RGS7: variants seen among roughly 807,000 people sequenced by gnomAD.
RGS7 encodes the protein regulator of G-protein signaling 7.
A neutral mutation model predicts 81.1 loss-of-function variants in RGS7; 27 were observed. That is an observed-to-expected ratio of 0.33 (90% CI 0.25 to 0.46). The LOEUF is 0.46. Ranked by LOEUF, RGS7 falls within the 20% of genes least tolerant of loss-of-function variation. RGS7 has a pLI of 1.00. For missense variants in RGS7, 396 were observed against 607.4 expected, an observed-to-expected ratio of 0.65 and a Z score of 3.66; for synonymous variants, 208 against 207.7, an observed-to-expected ratio of 1.00 and a Z score of -0.01.
chr1:240,998,738 A>G (rs1056892818), intron 3 of RGS7: 5 of 863,344 alleles, frequency 5.8e-6, no homozygotes, highest in Middle Eastern at 3.6e-4. Flanking sequence ...CGGTCACCTC[A>G]TCATCGTGCG....
At chr1:241,151,235 A>G (rs972529422) in intron 2 of RGS7, among the ~76,000 whole-genome samples, 1 of 152,180 alleles carries the variant, frequency 6.6e-6, no homozygotes, top group Non-Finnish European at 1.5e-5. Flanking sequence ...TATCACGCAG[A>G]CTGATGTCTG....
chr1:241,162,136 A>T (rs2069746031), intron 2 of RGS7, among the ~76,000 whole-genome samples: 2 of 151,854 alleles, frequency 1.3e-5, no homozygotes, highest in African/African-American at 2.4e-5. Flanking sequence ...TTGTTAAACT[A>T]TTTCTCTAAA....
chr1:240,983,047 A>T, intron 4 of RGS7, 32 bp downstream of exon 4: 1 of 1,337,272 alleles, frequency 7.5e-7, no homozygotes, highest in African/African-American at 1.4e-5. Flanking sequence ...ACTAAGAAAA[A>T]AGTTCTTGCA....
chr1:241,101,001 G>A (rs1384954010), intron 2 of RGS7, among the ~76,000 whole-genome samples: 1 of 152,208 alleles, frequency 6.6e-6, no homozygotes, highest in Non-Finnish European at 1.5e-5. Context: ...TTGGCTAGAA[G>A]CCCACATCTA....
intron 2 of RGS7, among the ~76,000 whole-genome samples, chr1:241,292,108 G>A (rs373357389): frequency 3.3e-5 from 5 of 152,102 alleles, no homozygotes. Context: ...GTCTTCAGAG[G>A]CGGTAATATG....
At chr1:240,952,400 G>A (rs1376489719) in intron 4 of RGS7, among the ~76,000 whole-genome samples, 2 of 151,926 alleles carry the variant, frequency 1.3e-5, no homozygotes, top group Non-Finnish European at 2.9e-5. Context: ...GTACCTTCAT[G>A]GTATATGAAA....
intron 6 of RGS7, among the ~76,000 whole-genome samples, chr1:240,891,718 C>T (rs897256586): frequency 6.6e-6 from 1 of 152,038 alleles, no homozygotes; most frequent in Non-Finnish European, 1.5e-5. Flanking sequence ...AGTAGGTAAA[C>T]AATAATTAAT....
chr1:240,861,127 A>C (rs1273248374), intron 9 of RGS7, among the ~76,000 whole-genome samples: 1 of 152,202 alleles, frequency 6.6e-6, no homozygotes, highest in Non-Finnish European at 1.5e-5. Context: ...GGTCAGGGTC[A>C]ACGAAAATGC....
At chr1:241,191,374 G>C (rs2072640035) in intron 2 of RGS7, among the ~76,000 whole-genome samples, 1 of 152,016 alleles carries the variant, frequency 6.6e-6, no homozygotes, top group Non-Finnish European at 1.5e-5. Flanking sequence ...GATCATGTGA[G>C]CCTTTTTTTC....
intron 3 of RGS7, among the ~76,000 whole-genome samples, chr1:241,097,618 T>C (rs1306775159): frequency 6.6e-6 from 1 of 152,120 alleles, no homozygotes; most frequent in African/African-American, 2.4e-5. Context: ...ATCAGCCGCC[T>C]TCTTCTCCCT....
chr1:241,081,154 A>T (rs1340288249), intron 3 of RGS7, among the ~76,000 whole-genome samples: 5 of 152,130 alleles, frequency 3.3e-5, no homozygotes, highest in African/African-American at 1.2e-4. Context: ...TCACCTTTGC[A>T]TTATTTTTCA....
Position 240,868,687 on chromosome 1 carries a change from T to A in RGS7, c.528-19A>T. On this transcript the variant is annotated intron_variant, in intron 8 of 18. Coordinates refer to ENST00000440928, the MANE Select transcript of RGS7 (RefSeq NM_001364886.1). The surrounding 1 kb of genome is among the most constrained non-coding windows in gnomAD (Gnocchi z 5.1). ...GTCCACTCTGTCAACACAGTAACAA[T>A]AGATAACATTTAGTATTAATTGTAG... 1.2e-6 allele frequency: 2 copies of A among 1,613,110 alleles called. No individual in the cohort carries two copies. Among genetic ancestry groups the A allele is most frequent in the Non-Finnish European group, 1.7e-6 (2 of 1,179,082 alleles).
At chr1:241,213,822 C>A (rs1409767330) in intron 2 of RGS7, among the ~76,000 whole-genome samples, 1 of 152,130 alleles carries the variant, frequency 6.6e-6, no homozygotes, top group African/African-American at 2.4e-5. Context: ...TGGAGTGTAG[C>A]AGTGCAATCA....
chr1:240,822,268 A>G (rs1251814906), intron 10 of RGS7, among the ~76,000 whole-genome samples: 1 of 152,162 alleles, frequency 6.6e-6, no homozygotes, highest in Non-Finnish European at 1.5e-5. Context: ...TTTACTCTTA[A>G]AAAAGAAGCG....
At chr1:240,921,613 G>A (rs1175149817) in intron 6 of RGS7, among the ~76,000 whole-genome samples, 1 of 152,030 alleles carries the variant, frequency 6.6e-6, no homozygotes, top group African/African-American at 2.4e-5. Context: ...GTTTTCCTAT[G>A]TACCAGCAAT....
intron 9 of RGS7, among the ~76,000 whole-genome samples, chr1:240,862,979 G>A (rs371376720): frequency 2.0e-5 from 3 of 151,554 alleles, no homozygotes; most frequent in Non-Finnish European, 4.4e-5. Flanking sequence ...TTTAGAGACA[G>A]GGTTTCACTC....
chr1:241,103,010 C>CAAAAAAA (rs59775668), intron 2 of RGS7, among the ~76,000 whole-genome samples: 1 of 127,074 alleles, frequency 7.9e-6, no homozygotes, highest in Non-Finnish European at 1.7e-5. Flanking sequence ...TACAAGCAAG[C>CAAAAAAA]AAAAAAAAAA....
rs185455354 is a variant in RGS7 at position 240,995,991 on chromosome 1, A to G, written c.176-12862T>C. Among the ~76,000 whole-genome samples, 117 of 151,600 alleles carry G rather than the reference A, an allele frequency of 7.7e-4. 1 individual carries two copies. The highest frequency in any genetic ancestry group is 2.8e-3 in the African/African-American group (116 of 41,278). Reference sequence around the variant, plus strand: ...GCCCTGCTTTAGCAGTGTTCCACAAATTGACATGTTACATTTTATTTTTAT... The same window carrying G: ...GCCCTGCTTTAGCAGTGTTCCACAAGTTGACATGTTACATTTTATTTTTAT... On this transcript the variant is annotated intron_variant, in intron 3 of 18. Transcript: ENST00000440928.
At chr1:241,087,168 A>G (rs995755362) in intron 3 of RGS7, among the ~76,000 whole-genome samples, 7 of 152,208 alleles carry the variant, frequency 4.6e-5, no homozygotes, top group Non-Finnish European at 5.9e-5. Flanking sequence ...ATTTATTGTT[A>G]ACACATAGGA....
Sources: allele counts gnomAD v4.1 joint callset (sites outside exome capture counted in the v4.1 genomes callset), GRCh38; gene constraint gnomAD v4.1.1; non-coding constraint Gnocchi (gnomAD v3.1); transcripts MANE v1.5; gene names NCBI Gene and HGNC (gene_info 2026-07-23, HGNC 2026-07-21).